HNRNPH3: variants seen among roughly 807,000 people sequenced by gnomAD.
HNRNPH3 encodes the protein heterogeneous nuclear ribonucleoprotein 2H9.
A neutral mutation model predicts 47.0 loss-of-function variants in HNRNPH3; 7 were observed. The ratio of observed to expected loss-of-function variants is 0.15; its 90% confidence interval spans 0.08 to 0.28. HNRNPH3 has a LOEUF of 0.28. HNRNPH3 is among the 10% of genes least tolerant of loss of function. HNRNPH3 has a pLI of 1.00. For synonymous variants in HNRNPH3, 120 were observed against 143.2 expected (o/e 0.84, Z 1.16); for missense variants, 279 against 449.6 (o/e 0.62, Z 3.43).
chr10:68,342,065 A>AC lies in HNRNPH3; in HGVS notation c.*13dup. The stretch of plus-strand genomic sequence containing the variant: ...CGTGGGATGTACTGAAAGCAAAAAC[A>AC]CCAACATACAAGTCTTGACAACAGC... On this transcript the variant is annotated 3_prime_UTR_variant, in exon 10 of 10. Coordinates refer to ENST00000265866, the MANE Select transcript of HNRNPH3 (RefSeq NM_012207.3). The AC allele has an allele frequency of 1.9e-6, 3 of 1,606,284 alleles. No individual in the cohort carries two copies. The South Asian group carries it at 3.3e-5, about 18-fold the overall frequency.
chr10:68,341,587 C>T lies in HNRNPH3; in HGVS notation c.778C>T (p.His260Tyr). 6.3e-7 allele frequency: 1 copy of T among 1,598,296 alleles called. No individual in the cohort carries two copies. Among genetic ancestry groups the T allele is most frequent in the African/African-American group, 1.3e-5 (1 of 74,460 alleles). ...AMSKDKNNMQ[H>Y]RYIELFLNST... ...TACTCTTTCTTTTTTTCTTAAAGAA[C>T]ATCGATATATTGAACTCTTCTTGAA... Residue 260 changes from histidine (H) to tyrosine (Y), a missense_variant and splice_region_variant, in exon 8 of 10, where the codon CAT (histidine) becomes TAT (tyrosine). Around this residue, in one of 2 missense-constraint regions of HNRNPH3, gnomAD observed 239 missense variants for 335.8 expected, o/e 0.71. Transcript: ENST00000265866.
In HNRNPH3 at chr10:68,341,299, AAAT is replaced by A; in HGVS notation, c.768_770del (p.Asn257del). On this transcript the variant is annotated inframe_deletion, in exon 7 of 10. Coordinates refer to ENST00000265866, the MANE Select transcript of HNRNPH3 (RefSeq NM_012207.3). Reference sequence around the variant, plus strand: ...CAGTAGCTGCCATGTCTAAAGATAAAAATAACATGCGTAAGTGGTGTCTTTGGC... The same window carrying A: ...CAGTAGCTGCCATGTCTAAAGATAAAAACATGCGTAAGTGGTGTCTTTGGC... 6.3e-7 allele frequency: 1 copy of A among 1,599,580 alleles called. No individual in the cohort carries two copies. The highest frequency in any genetic ancestry group is 8.5e-7 in the Non-Finnish European group (1 of 1,176,896).
chr10:68,341,038 T>C (rs1203732343), intron 6 of HNRNPH3, 136 bp from the exon 7 acceptor site: 6 of 601,988 alleles, frequency 1.0e-5, no homozygotes, highest in Non-Finnish European at 1.7e-5. Flanking sequence ...TCACAGAACC[T>C]CTGTAGTTGA....
chr10:68,341,733 A>AT (rs770066057), intron 8 of HNRNPH3, 26 bp from the exon 9 acceptor site: 11 of 1,584,720 alleles, frequency 6.9e-6, no homozygotes, highest in Middle Eastern at 3.4e-4. Context: ...ATGAGTCTCA[A>AT]TTTTTTTTCT....
At position 68,338,615 on chromosome 10, in the gene HNRNPH3, G is replaced by A. The variant is rs1463918069; in HGVS notation, c.364G>A (p.Gly122Arg). The change falls in exon 4 of 10, where the codon GGG becomes AGG. Residue 122 changes from glycine to arginine, a missense_variant. Physicochemically the swap from Gly to Arg is moderately radical, Grantham distance 125. Transcript: ENST00000265866. ...GPYDRPIGGR[G>R]GYYGAGRGSM... ...ATATGATAGACCAATAGGAGGAAGA[G>A]GGGGTTATTATGGAGCTGGGCGTGG... 1 of 1,613,212 alleles carries A rather than the reference G, an allele frequency of 6.2e-7. No individual in the cohort carries two copies. The highest frequency in any genetic ancestry group is 8.5e-7 in the Non-Finnish European group (1 of 1,179,536).
Position 68,337,001 on chromosome 10 carries a change from A to G in HNRNPH3, c.-23-198A>G, listed in dbSNP as rs2045578256. ...ACTACGAAATTCAGTACTTTTCCGT[A>G]GGAGGGGGTCAGGTCTCATTGCCTT... On this transcript the variant is annotated intron_variant, in intron 1 of 9. Transcript: ENST00000265866. This position sits in a 1 kb window ranked among gnomAD's most constrained non-coding sequence, Gnocchi z 4.5. 2 of 432,384 alleles carry G rather than the reference A, an allele frequency of 4.6e-6. No individual in the cohort carries two copies. Among genetic ancestry groups the G allele is most frequent in the African/African-American group, 2.0e-5 (1 of 49,378 alleles). 26.8% of individuals were successfully genotyped at this position (432,384 alleles called of 1,614,324 possible). A position where few individuals can be genotyped will look rare whatever the true frequency, so the allele number is the denominator to read the frequency against.
chr10:68,337,049 G>T lies in HNRNPH3; in HGVS notation c.-23-150G>T. 3 of 495,614 alleles carry T rather than the reference G, an allele frequency of 6.1e-6. No homozygotes were observed. Among genetic ancestry groups the T allele is most frequent in the Non-Finnish European group, 1.1e-5 (3 of 278,456 alleles). The allele number at this position is 495,614 out of a possible 1,614,324, so 30.7% of individuals were successfully genotyped here. ...CTTTTCCGTACCCCAAAATATGAAA[G>T]GTGGTCTACAATTTTGTTGTGGCAT... On this transcript the variant is annotated intron_variant, in intron 1 of 9. Coordinates refer to ENST00000265866, the MANE Select transcript of HNRNPH3 (RefSeq NM_012207.3). The surrounding 1 kb of genome is among the most constrained non-coding windows in gnomAD (Gnocchi z 4.5).
In HNRNPH3 at chr10:68,337,700, G is replaced by GA. The variant is rs538435768; in HGVS notation, c.113-152dup. 3.5e-5 allele frequency: 23 copies of GA among 653,438 alleles called. No homozygotes were observed. The highest frequency in any genetic ancestry group is 3.4e-4 in the African/African-American group (19 of 55,208). 40.5% of individuals were successfully genotyped at this position (653,438 alleles called of 1,614,324 possible). On this transcript the variant is annotated intron_variant, in intron 2 of 9. Coordinates refer to ENST00000265866, the MANE Select transcript of HNRNPH3 (RefSeq NM_012207.3). This position sits in a 1 kb window ranked among gnomAD's most constrained non-coding sequence, Gnocchi z 4.5. ...AAATTTATTTAATCCAGTAATATTT[G>GA]AAAAAATCTTTCATTTGTATTATGG...
Position 68,341,092 on chromosome 10 carries a change from T to C in HNRNPH3, c.640-82T>C. 6.0e-6 allele frequency: 6 copies of C among 991,786 alleles called. 1 individual carries two copies. In the South Asian group the frequency reaches 1.0e-4, roughly 17 times the overall value. The allele number at this position is 991,786 out of a possible 1,614,324, so 61.4% of individuals were successfully genotyped here. A position where few individuals can be genotyped will look rare whatever the true frequency, so the allele number is the denominator to read the frequency against. On this transcript the variant is annotated intron_variant, in intron 6 of 9. Coordinates refer to ENST00000265866, the MANE Select transcript of HNRNPH3 (RefSeq NM_012207.3). The stretch of plus-strand genomic sequence containing the variant: ...AGGGCAGTGGAAGGGTTTGTTTTAA[T>C]TGATGAGGAAAAATCAAGGTATGTG...
intron 1 of HNRNPH3, among the ~76,000 whole-genome samples, chr10:68,334,530 T>A (rs532483470): frequency 4.6e-5 from 7 of 152,318 alleles, no homozygotes; most frequent in African/African-American, 1.4e-4. Context: ...TTTAGAACAT[T>A]TTTGTCACTC....
intron 1 of HNRNPH3, among the ~76,000 whole-genome samples, chr10:68,333,543 T>C (rs1334541330): frequency 1.3e-5 from 2 of 152,182 alleles, no homozygotes; most frequent in Non-Finnish European, 2.9e-5. Flanking sequence ...CTAGGCATGT[T>C]TTTTCTTTAG....
chr10:68,341,067 A>G (rs2045899393), intron 6 of HNRNPH3, 107 bp from the exon 7 acceptor site: 2 of 699,676 alleles, frequency 2.9e-6, no homozygotes, highest in Admixed American at 6.0e-5. Context: ...TTAGTCTGAC[A>G]GGGCAGTGGA....
chr10:68,338,468 T>C, intron 3 of HNRNPH3, 35 bp from the exon 4 acceptor site: 1 of 1,402,108 alleles, frequency 7.1e-7, no homozygotes, highest in Non-Finnish European at 9.9e-7. Flanking sequence ...AATACATTTA[T>C]GCTGAAACCT....
intron 1 of HNRNPH3, among the ~76,000 whole-genome samples, chr10:68,335,624 C>G (rs552851560): frequency 1.6e-4 from 25 of 152,170 alleles, no homozygotes; most frequent in African/African-American, 6.0e-4. Flanking sequence ...TGTTTTCTGT[C>G]CTTCAGGGTT....
Position 68,337,428 on chromosome 10 carries a change from A to G in HNRNPH3, c.112+95A>G. 1.3e-6 allele frequency: 1 copy of G among 766,304 alleles called. No individual in the cohort carries two copies. Among genetic ancestry groups the G allele is most frequent in the Non-Finnish European group, 2.2e-6 (1 of 458,018 alleles). The allele number at this position is 766,304 out of a possible 1,614,324, so 47.5% of individuals were successfully genotyped here. ...TTTGTAAAACCCATTTGATTTTGGA[A>G]CTTTTAAGTTTAACTATGATAGTCT... On this transcript the variant is annotated intron_variant, in intron 2 of 9. Coordinates refer to ENST00000265866, the MANE Select transcript of HNRNPH3 (RefSeq NM_012207.3). The surrounding 1 kb of genome is among the most constrained non-coding windows in gnomAD (Gnocchi z 4.5).
intron 1 of HNRNPH3, chr10:68,333,101 G>A (rs892260466): frequency 6.6e-6 from 1 of 151,520 alleles, no homozygotes; most frequent in Non-Finnish European, 1.5e-5. Context: ...ACTTCGAAAA[G>A]AGTACGTACT....
At chr10:68,332,755 C>G (rs917460338) in intron 1 of HNRNPH3, 1 of 152,298 alleles carries the variant, frequency 6.6e-6, no homozygotes, top group African/African-American at 2.4e-5. Context: ...ACCGCGGCCT[C>G]CCTTCCTCCG....
intron 5 of HNRNPH3, 43 bp from the exon 6 acceptor site, chr10:68,339,397 G>T: frequency 9.0e-6 from 14 of 1,553,162 alleles, no homozygotes; most frequent in Non-Finnish European, 1.2e-5. Flanking sequence ...TTCCCTACTT[G>T]TATCTGTAAT....
In HNRNPH3 at chr10:68,337,798, G is replaced by T; in HGVS notation, c.113-60G>T. 7.2e-7 allele frequency: 1 copy of T among 1,384,366 alleles called. No individual in the cohort carries two copies. Among genetic ancestry groups the T allele is most frequent in the South Asian group, 1.4e-5 (1 of 72,454 alleles). 85.8% of individuals were successfully genotyped at this position (1,384,366 alleles called of 1,614,324 possible). A position where few individuals can be genotyped will look rare whatever the true frequency, so the allele number is the denominator to read the frequency against. On this transcript the variant is annotated intron_variant, in intron 2 of 9. Transcript: ENST00000265866. The surrounding 1 kb of genome is among the most constrained non-coding windows in gnomAD (Gnocchi z 4.5). ...TTGTTTTAAATATTTGATTCAGATG[G>T]GAATGTTTCAGCCTTTAACACTGTT...
Sources: allele counts gnomAD v4.1 joint callset (sites outside exome capture counted in the v4.1 genomes callset), GRCh38; gene constraint gnomAD v4.1.1; regional missense constraint gnomAD v4.1.1; non-coding constraint Gnocchi (gnomAD v3.1); transcripts MANE v1.5; gene names NCBI Gene and HGNC (gene_info 2026-07-23, HGNC 2026-07-21).